The following SNX29 variants were observed in gnomAD, a reference collection of about 807,000 sequenced individuals.
SNX29 encodes sorting nexin 29, also known as sorting nexin-29.
SNX29 carries 78 observed loss-of-function variants against 102.1 expected under a neutral mutation model. That is an observed-to-expected ratio of 0.76 (90% confidence interval 0.64 to 0.92). The LOEUF (loss-of-function observed/expected upper bound fraction) is 0.92, where lower values mean the gene tolerates loss of function less well. Among genes scored for constraint, SNX29 ranks in the 40% least tolerant of loss-of-function variants. The probability of loss-of-function intolerance (pLI) is 0.00; values close to 1 mark genes in which losing one functional copy is unlikely to be tolerated. For synonymous variants in SNX29, 580 were observed against 414.5 expected, an observed-to-expected ratio of 1.40 and a Z score of -4.85; for missense variants, 1,280 against 1,061.7, an observed-to-expected ratio of 1.21 and a Z score of -2.86.
At chr16:12,562,408 C>G (rs148559772) in intron 20 of SNX29, among the ~76,000 whole-genome samples, 72 of 152,268 alleles carry the variant, frequency 4.7e-4, no homozygotes, top group East Asian at 3.3e-3. Flanking sequence ...ACATACCATA[C>G]AATTTACCCA....
chr16:12,173,161 G>C (rs575696551), intron 13 of SNX29, among the ~76,000 whole-genome samples: 1 of 152,350 alleles, frequency 6.6e-6, no homozygotes, highest in African/African-American at 2.4e-5. Context: ...ATTGGTGAGT[G>C]ACTGCCGGAG....
At chr16:12,145,464 C>T (rs531418811) in intron 13 of SNX29, among the ~76,000 whole-genome samples, 2 of 152,046 alleles carry the variant, frequency 1.3e-5, no homozygotes, top group African/African-American at 2.4e-5. Context: ...TGTGTACGTT[C>T]GAATCCTTAA....
rs181065327 is a variant in SNX29 at position 12,390,603 on chromosome 16, A to G, written c.1900-7843A>G. On this transcript the variant is annotated intron_variant, in intron 16 of 20. Transcript: ENST00000566228. ...CTAGTGTGCATTTGTGGAATGGAGC[A>G]GTCAGCCCCTCATTCTGGGCGAGGG... Among the ~76,000 whole-genome samples the G allele has an allele frequency of 5.4e-3, 830 of 152,348 alleles. 5 individuals are homozygous for G. The highest frequency in any genetic ancestry group is 0.018 in the African/African-American group (767 of 41,582).
At chr16:12,359,269 G>A (rs2082233264) in intron 16 of SNX29, among the ~76,000 whole-genome samples, 1 of 152,194 alleles carries the variant, frequency 6.6e-6, no homozygotes, top group African/African-American at 2.4e-5. Flanking sequence ...GTCCCAAGAA[G>A]TCGTCTTTGT....
intron 4 of SNX29, among the ~76,000 whole-genome samples, chr16:12,036,632 C>T (rs186087474): frequency 9.8e-5 from 14 of 142,478 alleles, no homozygotes; most frequent in South Asian, 2.2e-4. Context: ...CCGCGCCCAG[C>T]GGGTTTTCTG....
intron 10 of SNX29, among the ~76,000 whole-genome samples, chr16:12,073,282 C>A (rs145873842): frequency 6.6e-6 from 1 of 152,078 alleles, no homozygotes; most frequent in Non-Finnish European, 1.5e-5. Flanking sequence ...AATTTTGGAT[C>A]TTTCCTGCTT....
intron 15 of SNX29, among the ~76,000 whole-genome samples, chr16:12,335,304 C>G (rs1184015074): frequency 1.3e-5 from 2 of 152,114 alleles, no homozygotes; most frequent in Non-Finnish European, 2.9e-5. Flanking sequence ...TGAAGTGAAA[C>G]TCTTGCTGCT....
chr16:12,507,613 A>G (rs2089435492), intron 19 of SNX29, among the ~76,000 whole-genome samples: 1 of 152,158 alleles, frequency 6.6e-6, no homozygotes, highest in South Asian at 2.1e-4. Flanking sequence ...GCAAAGGGCC[A>G]GATAGTAAGC....
chr16:12,456,617 T>G (rs1244011885), intron 18 of SNX29, among the ~76,000 whole-genome samples: 1 of 152,030 alleles, frequency 6.6e-6, no homozygotes, highest in Non-Finnish European at 1.5e-5. Flanking sequence ...TGTGCATGGA[T>G]GAGCATCTGA....
At chr16:12,556,876 A>T (rs2078388081) in intron 20 of SNX29, among the ~76,000 whole-genome samples, 1 of 151,676 alleles carries the variant, frequency 6.6e-6, no homozygotes, top group Non-Finnish European at 1.5e-5. Flanking sequence ...TTTTTGAGAT[A>T]GGGTCTCCGT....
At chr16:12,559,020 G>C (rs2078552815) in intron 20 of SNX29, among the ~76,000 whole-genome samples, 1 of 152,156 alleles carries the variant, frequency 6.6e-6, no homozygotes, top group African/African-American at 2.4e-5. Context: ...AGAGACAAAA[G>C]ACTCCTTTTA....
chr16:12,400,845 C>T (rs151244193), intron 17 of SNX29, among the ~76,000 whole-genome samples: 71 of 148,050 alleles, frequency 4.8e-4, no homozygotes, highest in African/African-American at 1.7e-3. Flanking sequence ...TATTTAGAGA[C>T]GGAGTCTTGC....
rs1387243526 is a variant in SNX29, at chr16:12,463,876, C to G, written c.2038-13843C>G. Among the ~76,000 whole-genome samples the G allele has an allele frequency of 2.8e-5, 4 of 143,520 alleles. No individual in the cohort carries two copies. The Admixed American group carries it at 2.8e-4, about 10-fold the overall frequency. The allele number at this position is 143,520 out of a possible 152,430, so 94.2% of individuals were successfully genotyped here. On this transcript the variant is annotated intron_variant, in intron 18 of 20. Coordinates refer to ENST00000566228, the MANE Select transcript of SNX29 (RefSeq NM_032167.5). The stretch of plus-strand genomic sequence containing the variant: ...TGTGAGAGATGACACTTAAAGTTGG[C>G]TTTCTCATCACATTTTGAGTAAACA...
At chr16:12,225,099 G>A (rs959198306) in intron 14 of SNX29, among the ~76,000 whole-genome samples, 1 of 152,110 alleles carries the variant, frequency 6.6e-6, no homozygotes, top group African/African-American at 2.4e-5. Context: ...CTTTGGTATT[G>A]ATTAATATTG....
intron 19 of SNX29, among the ~76,000 whole-genome samples, chr16:12,507,186 A>T (rs1260932817): frequency 1.3e-5 from 2 of 152,236 alleles, no homozygotes; most frequent in Non-Finnish European, 2.9e-5. Flanking sequence ...TAAGTGGTGC[A>T]GCCAGGATTG....
intron 4 of SNX29, among the ~76,000 whole-genome samples, chr16:12,041,922 A>G (rs1399289192): frequency 6.6e-6 from 1 of 152,250 alleles, no homozygotes; most frequent in Non-Finnish European, 1.5e-5. Flanking sequence ...AAGTGCAGTA[A>G]AAAAGACTGA....
chr16:12,384,652 C>T (rs546305217), intron 16 of SNX29, among the ~76,000 whole-genome samples: 1 of 152,200 alleles, frequency 6.6e-6, no homozygotes, highest in African/African-American at 2.4e-5. Context: ...CAGATATTTT[C>T]TCCCATTCTG....
intron 19 of SNX29, chr16:12,515,488 C>G: frequency 4.1e-6 from 2 of 485,972 alleles, no homozygotes; most frequent in South Asian, 3.1e-5. Flanking sequence ...GAAACCCATT[C>G]GCTTCTCCTT....
intron 18 of SNX29, among the ~76,000 whole-genome samples, chr16:12,441,952 C>T (rs1315324405): frequency 1.3e-5 from 2 of 152,090 alleles, no homozygotes; most frequent in Non-Finnish European, 2.9e-5. Context: ...TTATGCCTGG[C>T]TAATTTTTGT....
Sources: gnomAD v4.1 joint callset for allele counts (sites outside exome capture counted in the v4.1 genomes callset) on GRCh38, gnomAD v4.1.1 for gene constraint, MANE v1.5 for transcripts, NCBI Gene and HGNC (gene_info 2026-07-23, HGNC 2026-07-21) for gene names.